HIF3A: variants seen among roughly 807,000 people sequenced by gnomAD.
The protein encoded by HIF3A is hypoxia inducible factor 3 subunit alpha.
A neutral mutation model predicts 67.2 loss-of-function variants in HIF3A; 41 were observed. That is an observed-to-expected ratio of 0.61 (90% CI 0.48 to 0.79). The LOEUF is 0.79. Among genes scored for constraint, HIF3A ranks in the 30% least tolerant of loss-of-function variants. The probability of loss-of-function intolerance (pLI) is 0.00; values close to 1 mark genes in which losing one functional copy is unlikely to be tolerated. For synonymous variants in HIF3A, 356 were observed against 374.8 expected, an observed-to-expected ratio of 0.95 and a Z score of 0.58; for missense variants, 855 against 898.0, an observed-to-expected ratio of 0.95 and a Z score of 0.61.
chr19:46,337,217 G>A (rs1971689832), intron 14 of HIF3A, among the ~76,000 whole-genome samples: 1 of 151,994 alleles, frequency 6.6e-6, no homozygotes, highest in Admixed American at 6.6e-5. Flanking sequence ...AACAGCAAGT[G>A]CAAAGGCCCT....
At chr19:46,320,622 A>G in intron 9 of HIF3A, 61 bp downstream of exon 9, 1 of 1,309,106 alleles carries the variant, frequency 7.6e-7, no homozygotes, top group Admixed American at 1.8e-5. Context: ...GAGAAAGCCC[A>G]AGCACCTTAA....
chr19:46,313,514 G>A (rs182491963), intron 8 of HIF3A: 53 of 141,816 alleles, frequency 3.7e-4, no homozygotes, highest in Non-Finnish European at 5.9e-4. Flanking sequence ...CCACACACAC[G>A]CAAAGATAGA....
intron 14 of HIF3A, among the ~76,000 whole-genome samples, chr19:46,337,315 A>G (rs1207062072): frequency 6.6e-6 from 1 of 152,050 alleles, no homozygotes; most frequent in African/African-American, 2.4e-5. Flanking sequence ...CAGTGGTGCG[A>G]TCACAGCTCA....
intron 5 of HIF3A, among the ~76,000 whole-genome samples, 186 bp downstream of exon 5, chr19:46,308,961 C>G (rs544161324): frequency 6.6e-6 from 1 of 151,938 alleles, no homozygotes; most frequent in African/African-American, 2.4e-5. Context: ...GGACCTGGGG[C>G]TCCTGTAAGC....
intron 6 of HIF3A, among the ~76,000 whole-genome samples, chr19:46,311,627 G>A (rs1027107207): frequency 6.6e-6 from 1 of 152,090 alleles, no homozygotes; most frequent in African/African-American, 2.4e-5. Flanking sequence ...CACTTCGGGA[G>A]GCTAAAGCAG....
At chr19:46,304,725 G>A (rs1030462738) in intron 2 of HIF3A, among the ~76,000 whole-genome samples, 4 of 152,112 alleles carry the variant, frequency 2.6e-5, no homozygotes, top group African/African-American at 9.7e-5. Flanking sequence ...GGGAGGCTCT[G>A]TCCATTTGAC....
In HIF3A at chr19:46,309,274, C is replaced by T. The variant is rs1296126607; in HGVS notation, c.685C>T (p.Pro229Ser). The stretch of plus-strand genomic sequence containing the variant: ...GCTCATCTGCGAAGCCATCCCCCAC[C>T]CAGGCAGCCTGGAGCCCCCACTGGG... The part of the protein sequence containing the change: ...LVLICEAIPH[P>S]GSLEPPLGRG... Residue 229 changes from proline (P) to serine (S), a missense_variant, in exon 6 of 15, where the codon CCA becomes TCA. This residue lies in a region of HIF3A where 638 missense variants were observed against 660.5 expected (regional missense o/e 0.97). Transcript: ENST00000377670. 2 of 1,613,826 alleles carry T rather than the reference C, an allele frequency of 1.2e-6. No homozygotes were observed. Among genetic ancestry groups the T allele is most frequent in the African/African-American group, 2.7e-5 (2 of 75,038 alleles).
chr19:46,308,016 AGATG>A (rs1969044419), intron 3 of HIF3A, among the ~76,000 whole-genome samples: 1 of 151,790 alleles, frequency 6.6e-6, no homozygotes, highest in South Asian at 2.1e-4. Context: ...ATAGATAGAT[AGATG>A]AGGGCCTGGC....
intron 8 of HIF3A, 186 bp downstream of exon 8, chr19:46,312,839 G>A: frequency 7.7e-7 from 1 of 1,299,934 alleles, no homozygotes; most frequent in East Asian, 3.5e-5. Context: ...CGGTGTGTGT[G>A]TCTGCATGGA....
chr19:46,337,325 A>T (rs1971699377), intron 14 of HIF3A, among the ~76,000 whole-genome samples: 1 of 152,118 alleles, frequency 6.6e-6, no homozygotes, highest in South Asian at 2.1e-4. Flanking sequence ...ATCACAGCTC[A>T]CTGCAGCCTT....
intron 1 of HIF3A, chr19:46,303,549 C>T (rs1968516524): frequency 6.3e-6 from 9 of 1,430,578 alleles, no homozygotes; most frequent in Non-Finnish European, 8.5e-6. Flanking sequence ...CCCCTCCCAG[C>T]AGGGGCCCTC....
chr19:46,307,902 C>G (rs572476328), intron 3 of HIF3A, among the ~76,000 whole-genome samples: 1 of 152,216 alleles, frequency 6.6e-6, no homozygotes, highest in South Asian at 2.1e-4. Flanking sequence ...CCGCTGCATT[C>G]CAGCCTGGGC....
At chr19:46,324,957 T>C (rs4803931) in intron 10 of HIF3A, among the ~76,000 whole-genome samples, 15,269 of 136,824 alleles carry the variant, frequency 0.11, 1,053 homozygotes, top group East Asian at 0.26. Flanking sequence ...TATATATATA[T>C]ACACATACAC....
intron 12 of HIF3A, 107 bp downstream of exon 12, chr19:46,329,585 T>C (rs1971039208): frequency 7.6e-7 from 1 of 1,318,680 alleles, no homozygotes; most frequent in East Asian, 2.8e-5. Context: ...CCCTGATCTC[T>C]GCTCCAGCCA....
intron 13 of HIF3A, among the ~76,000 whole-genome samples, chr19:46,333,788 C>CTTTTTTTTTTTTTTTTTTTTTT (rs1165101162): frequency 2.9e-5 from 3 of 103,564 alleles, no homozygotes; most frequent in Non-Finnish European, 3.9e-5. Context: ...TTCTTTCTTT[C>CTTTTTTTTTTTTTTTTTTTTTT]TTTTTTTTTT....
Sources: allele counts gnomAD v4.1 joint callset (sites outside exome capture counted in the v4.1 genomes callset), GRCh38; gene constraint gnomAD v4.1.1; regional missense constraint gnomAD v4.1.1; transcripts MANE v1.5; gene names NCBI Gene and HGNC (gene_info 2026-07-23, HGNC 2026-07-21).